The following CNTN5 variants were observed in gnomAD, a reference collection of about 807,000 sequenced individuals.
CNTN5 encodes the protein contactin-5.
CNTN5 carries 77 observed loss-of-function variants against 129.1 expected under a neutral mutation model. The observed-to-expected ratio is 0.60, with a 90% CI of 0.50 to 0.72. CNTN5 has a LOEUF of 0.72. Ranked by LOEUF, CNTN5 falls within the 30% of genes least tolerant of loss-of-function variation. CNTN5 has a pLI of 0.00. For synonymous variants in CNTN5, 509 were observed against 465.6 expected, an observed-to-expected ratio of 1.09 and a Z score of -1.20; for missense variants, 1,478 against 1,328.8, an observed-to-expected ratio of 1.11 and a Z score of -1.75.
At chr11:99,524,989 G>C (rs1947431316) in intron 2 of CNTN5, among the ~76,000 whole-genome samples, 1 of 151,858 alleles carries the variant, frequency 6.6e-6, no homozygotes, top group Admixed American at 6.6e-5. Flanking sequence ...CCAAATAAAT[G>C]ATCTTAATTA....
chr11:99,395,732 A>T (rs1403615114), intron 2 of CNTN5, among the ~76,000 whole-genome samples: 1 of 151,846 alleles, frequency 6.6e-6, no homozygotes, highest in Non-Finnish European at 1.5e-5. Context: ...TGATGTAAGG[A>T]AGGGGTCCAG....
intron 7 of CNTN5, among the ~76,000 whole-genome samples, chr11:99,940,854 C>A (rs970545707): frequency 2.0e-5 from 3 of 151,964 alleles, no homozygotes; most frequent in Non-Finnish European, 4.4e-5. Flanking sequence ...AGGAAAGACT[C>A]AGGCTAAGTT....
chr11:99,904,634 T>A (rs888743125), intron 6 of CNTN5, among the ~76,000 whole-genome samples: 1 of 152,210 alleles, frequency 6.6e-6, no homozygotes, highest in Non-Finnish European at 1.5e-5. Context: ...TAGAATGATA[T>A]ATAATCCTTT....
At chr11:99,592,382 A>G (rs1950004333) in intron 3 of CNTN5, among the ~76,000 whole-genome samples, 1 of 152,228 alleles carries the variant, frequency 6.6e-6, no homozygotes, top group African/African-American at 2.4e-5. Flanking sequence ...CAAAGTAGAA[A>G]GCAAGCCAGC....
chr11:99,150,165 G>A (rs1049030244), intron 1 of CNTN5, among the ~76,000 whole-genome samples: 2 of 151,980 alleles, frequency 1.3e-5, no homozygotes, highest in Admixed American at 6.6e-5. Flanking sequence ...ATTTTAGGAA[G>A]TACAACAAAG....
chr11:100,251,579 CT>C, intron 16 of CNTN5, among the ~76,000 whole-genome samples: 1 of 152,188 alleles, frequency 6.6e-6, no homozygotes, highest in Middle Eastern at 3.4e-3. Flanking sequence ...TATTCTCCCC[CT>C]TTCCCTTCCC....
chr11:99,805,800 C>G (rs1345388003), intron 3 of CNTN5, among the ~76,000 whole-genome samples: 3 of 152,072 alleles, frequency 2.0e-5, no homozygotes, highest in African/African-American at 7.2e-5. Context: ...TGTCATTGAG[C>G]CTTAGCCACT....
At chr11:99,570,199 G>A (rs1949134260) in intron 3 of CNTN5, among the ~76,000 whole-genome samples, 1 of 151,572 alleles carries the variant, frequency 6.6e-6, no homozygotes, top group Non-Finnish European at 1.5e-5. Flanking sequence ...TTTCTCTATG[G>A]TAATTCAGAG....
At chr11:100,116,770 C>T (rs888872200) in intron 13 of CNTN5, among the ~76,000 whole-genome samples, 1 of 151,678 alleles carries the variant, frequency 6.6e-6, no homozygotes, top group Non-Finnish European at 1.5e-5. Context: ...GTAGATTTTT[C>T]ACATTTCTTC....
intron 2 of CNTN5, among the ~76,000 whole-genome samples, chr11:99,368,806 C>T (rs1046754100): frequency 3.3e-5 from 5 of 151,990 alleles, no homozygotes; most frequent in South Asian, 2.1e-4. Context: ...AAACAGGCGA[C>T]GAAGAATTAT....
chr11:99,554,251 T>C (rs902666875), intron 2 of CNTN5, among the ~76,000 whole-genome samples: 1 of 152,158 alleles, frequency 6.6e-6, no homozygotes, highest in Non-Finnish European at 1.5e-5. Context: ...AGAGTATGTA[T>C]CACTGTTTGA....
At chr11:99,731,418 C>T (rs942691753) in intron 3 of CNTN5, among the ~76,000 whole-genome samples, 1 of 152,118 alleles carries the variant, frequency 6.6e-6, no homozygotes, top group Non-Finnish European at 1.5e-5. Flanking sequence ...AGTTAACTCT[C>T]TTTGTCATGG....
intron 1 of CNTN5, among the ~76,000 whole-genome samples, chr11:99,246,272 A>G (rs933081761): frequency 2.0e-5 from 3 of 151,642 alleles, no homozygotes; most frequent in African/African-American, 7.3e-5. Context: ...CATTATAAAC[A>G]TTAAAGTGAT....
At chr11:100,011,990 G>T (rs1488820343) in intron 9 of CNTN5, among the ~76,000 whole-genome samples, 1 of 152,118 alleles carries the variant, frequency 6.6e-6, no homozygotes, top group Non-Finnish European at 1.5e-5. Flanking sequence ...ATTTGGAGCT[G>T]CCAGTCACTA....
intron 1 of CNTN5, among the ~76,000 whole-genome samples, chr11:99,060,955 C>A (rs1012121136): frequency 2.6e-5 from 4 of 152,102 alleles, no homozygotes; most frequent in South Asian, 2.1e-4. Flanking sequence ...TCCTACTATT[C>A]TAATCTCCCT....
intron 13 of CNTN5, among the ~76,000 whole-genome samples, chr11:100,160,618 A>G (rs1947415816): frequency 6.6e-6 from 1 of 151,954 alleles, no homozygotes; most frequent in Non-Finnish European, 1.5e-5. Context: ...GACTGGAAAT[A>G]CATTTCTCCA....
At chr11:99,908,237 A>G (rs1207600107) in intron 6 of CNTN5, among the ~76,000 whole-genome samples, 1 of 152,108 alleles carries the variant, frequency 6.6e-6, no homozygotes, top group Non-Finnish European at 1.5e-5. Flanking sequence ...TCATAGTAGT[A>G]GGCAAGAAAG....
intron 2 of CNTN5, among the ~76,000 whole-genome samples, chr11:99,464,308 CAT>C (rs1239682583): frequency 1.3e-5 from 2 of 152,106 alleles, no homozygotes; most frequent in African/African-American, 4.8e-5. Flanking sequence ...TAAATGAGCA[CAT>C]GTTATCATTG....
At chr11:99,403,844 A>C (rs1266139542) in intron 2 of CNTN5, among the ~76,000 whole-genome samples, 1 of 152,082 alleles carries the variant, frequency 6.6e-6, no homozygotes, top group Admixed American at 6.6e-5. Flanking sequence ...CTTGGATGAA[A>C]AGTTTTATAA....
Sources: gnomAD v4.1 joint callset for allele counts (sites outside exome capture counted in the v4.1 genomes callset) on GRCh38, gnomAD v4.1.1 for gene constraint, MANE v1.5 for transcripts, NCBI Gene and HGNC (gene_info 2026-07-23, HGNC 2026-07-21) for gene names.